The following NBPF9 variants were observed in gnomAD, a reference collection of about 807,000 sequenced individuals.
The protein encoded by NBPF9 is NBPF family member NBPF9.
A neutral mutation model predicts 97.8 loss-of-function variants in NBPF9; 91 were observed. The observed-to-expected ratio is 0.93, with a 90% CI of 0.79 to 1.11. The LOEUF (loss-of-function observed/expected upper bound fraction) is 1.11. NBPF9 is among the 50% of genes least tolerant of loss of function. The probability of loss-of-function intolerance (pLI) is 0.00; values close to 1 mark genes in which losing one functional copy is unlikely to be tolerated. For missense variants in NBPF9, 992 were observed against 939.5 expected, an observed-to-expected ratio of 1.06 and a Z score of -0.73; for synonymous variants, 334 against 359.5, an observed-to-expected ratio of 0.93 and a Z score of 0.80.
chr1:149,059,510 C>G (rs1243797022), intron 25 of NBPF9, 190 bp downstream of exon 25: 1 of 401,410 alleles, frequency 2.5e-6, no homozygotes, highest in South Asian at 2.8e-5. Context: ...ACCTATGGTA[C>G]GTTAGGAAAT....
At chr1:149,081,146 G>A (rs2080400859) in intron 7 of NBPF9, among the ~76,000 whole-genome samples, 1 of 152,048 alleles carries the variant, frequency 6.6e-6, no homozygotes, top group African/African-American at 2.4e-5. Flanking sequence ...TTTTTGACGA[G>A]TCTTGCCCTG....
intron 11 of NBPF9, among the ~76,000 whole-genome samples, chr1:149,076,279 C>A (rs1553654297): frequency 6.6e-6 from 1 of 150,888 alleles, no homozygotes; most frequent in African/African-American, 2.4e-5. Flanking sequence ...CTCACTGCCA[C>A]CTCTGCCGCC....
At chr1:149,090,415 T>G (rs1430083578) in intron 5 of NBPF9, 3 of 242,322 alleles carry the variant, frequency 1.2e-5, no homozygotes, top group Non-Finnish European at 1.6e-5. Flanking sequence ...CATGGCCACC[T>G]GTTTGCTCAT....
exon 30 of NBPF9, chr1:149,055,609 T>A (rs782299196): frequency 6.2e-7 from 1 of 1,610,894 alleles, no homozygotes; most frequent in Non-Finnish European, 8.5e-7. Context: ...CACGTGCCTA[T>A]AGGTCCTGCC....
chr1:149,079,179 C>T (rs1320510640), exon 9 of NBPF9: 32 of 1,191,464 alleles, frequency 2.7e-5, no homozygotes, highest in African/African-American at 2.5e-4. Flanking sequence ...CCTTTAACTG[C>T]GTCAGCTCTC....
At chr1:149,055,659 T>C (rs782389801) in exon 30 of NBPF9, 5 of 1,611,858 alleles carry the variant, frequency 3.1e-6, no homozygotes, top group East Asian at 2.2e-5. Flanking sequence ...GGGCTGCTTA[T>C]TGTGGGAATA....
intron 17 of NBPF9, among the ~76,000 whole-genome samples, chr1:149,069,107 G>C (rs1553652391): frequency 1.3e-5 from 2 of 151,914 alleles, no homozygotes; most frequent in Admixed American, 6.6e-5. Flanking sequence ...AGAATCTCTG[G>C]GACACATTTA....
At chr1:149,097,914 C>T (rs1403217481) in intron 4 of NBPF9, among the ~76,000 whole-genome samples, 10 of 152,098 alleles carry the variant, frequency 6.6e-5, no homozygotes, top group African/African-American at 2.4e-4. Flanking sequence ...TCTCTTTTAA[C>T]CCATTATACT....
At chr1:149,079,482 C>T (rs1227779427) in intron 8 of NBPF9, among the ~76,000 whole-genome samples, 43 of 151,310 alleles carry the variant, frequency 2.8e-4, no homozygotes, top group African/African-American at 9.7e-4. Flanking sequence ...AGGTGTCTTC[C>T]TAATTCCCTT....
At chr1:149,085,412 A>G (rs1346591775) in intron 5 of NBPF9, among the ~76,000 whole-genome samples, 1 of 152,160 alleles carries the variant, frequency 6.6e-6, no homozygotes, top group Non-Finnish European at 1.5e-5. Context: ...CCTCCAACTT[A>G]TTGCTTCTTC....
At chr1:149,076,374 T>C (rs1279528702) in intron 11 of NBPF9, among the ~76,000 whole-genome samples, 1 of 151,100 alleles carries the variant, frequency 6.6e-6, no homozygotes, top group East Asian at 1.9e-4. Flanking sequence ...TTTTTGTATT[T>C]TTAGTAGAGA....
chr1:149,087,344 C>G (rs1448796057), intron 5 of NBPF9, among the ~76,000 whole-genome samples: 8 of 149,690 alleles, frequency 5.3e-5, no homozygotes, highest in Non-Finnish European at 1.2e-4. Context: ...CACACACACA[C>G]ACACACGTTT....
At chr1:149,081,662 G>C (rs1217702107) in intron 7 of NBPF9, among the ~76,000 whole-genome samples, 2 of 146,278 alleles carry the variant, frequency 1.4e-5, no homozygotes, top group African/African-American at 5.1e-5. Context: ...AAGGTACAGA[G>C]AGGATTCTTG....
intron 5 of NBPF9, among the ~76,000 whole-genome samples, chr1:149,088,575 G>A (rs1484049465): frequency 2.0e-5 from 3 of 152,040 alleles, no homozygotes; most frequent in Non-Finnish European, 4.4e-5. Context: ...GTTGCCTTCT[G>A]TTCTCATCAT....
At chr1:149,070,211 C>T (rs1391569102) in intron 16 of NBPF9, among the ~76,000 whole-genome samples, 5 of 150,928 alleles carry the variant, frequency 3.3e-5, no homozygotes, top group African/African-American at 2.4e-5. Flanking sequence ...GTCCTAGCAA[C>T]TCAGGAGACT....
rs1430416797 is a variant in NBPF9 at position 149,059,312 on chromosome 1, A to G, written c.2586-215T>C. 2.3e-5 allele frequency: 11 copies of G among 482,812 alleles called. 4 individuals are homozygous for G. The highest frequency in any genetic ancestry group is 2.7e-5 in the Non-Finnish European group (7 of 260,930). 29.9% of individuals were successfully genotyped at this position (482,812 alleles called of 1,614,324 possible). ...CAGGGAGAGACAGAGACAGAGACAG[A>G]GAGAAAGTGACCTAGTGAATTGGCC... On this transcript the variant is annotated intron_variant, in intron 25 of 29. Transcript: ENST00000584027.
At chr1:149,098,154 A>G (rs1218713279) in intron 4 of NBPF9, among the ~76,000 whole-genome samples, 4 of 151,758 alleles carry the variant, frequency 2.6e-5, no homozygotes, top group African/African-American at 7.3e-5. Flanking sequence ...GGGGAAGAGC[A>G]AGGAGTGGGA....
In NBPF9 at chr1:149,072,942, G is replaced by T; in HGVS notation, c.1092-10C>A. 6.2e-7 allele frequency: 1 copy of T among 1,606,448 alleles called. No individual in the cohort carries two copies. The highest frequency in any genetic ancestry group is 1.1e-5 in the South Asian group (1 of 90,840). ...CAGGACTTTATATTGCCTAAGGTGAGATGGTAGAGAAAAATTAAGAGTGGA... is the reference window on the plus strand; with the variant it reads ...CAGGACTTTATATTGCCTAAGGTGATATGGTAGAGAAAAATTAAGAGTGGA... On this transcript the variant is annotated splice_polypyrimidine_tract_variant and intron_variant, in intron 13 of 29. Coordinates refer to ENST00000584027, the Ensembl canonical transcript of NBPF9.
chr1:149,097,976 A>C (rs2081900614), intron 4 of NBPF9, among the ~76,000 whole-genome samples: 1 of 152,036 alleles, frequency 6.6e-6, no homozygotes, highest in African/African-American at 2.4e-5. Context: ...GGCACTGCCT[A>C]AAACCACACA....
Sources: gnomAD v4.1 joint callset for allele counts (sites outside exome capture counted in the v4.1 genomes callset) on GRCh38, gnomAD v4.1.1 for gene constraint, MANE v1.5 for transcripts, NCBI Gene and HGNC (gene_info 2026-07-23, HGNC 2026-07-21) for gene names.